Variants in TRIM8 observed in about 807,000 individuals in gnomAD.
TRIM8 encodes the protein tripartite motif containing 8.
In TRIM8, 9 loss-of-function variants were observed where a neutral mutation model predicts 55.7. The observed-to-expected ratio is 0.16, with a 90% CI of 0.10 to 0.28. The LOEUF is 0.28. Among genes scored for constraint, TRIM8 ranks in the 10% least tolerant of loss-of-function variants. The pLI is 1.00. For synonymous variants in TRIM8, 335 were observed against 333.3 expected, an observed-to-expected ratio of 1.01 and a Z score of -0.06; for missense variants, 556 against 736.4, an observed-to-expected ratio of 0.76 and a Z score of 2.83.
intron 1 of TRIM8, among the ~76,000 whole-genome samples, chr10:102,652,362 T>G (rs1287277413): frequency 6.6e-6 from 1 of 152,026 alleles, no homozygotes; most frequent in Non-Finnish European, 1.5e-5. Flanking sequence ...TGGGAGTGGC[T>G]GGGATGGGAG....
intron 1 of TRIM8, among the ~76,000 whole-genome samples, chr10:102,649,490 G>C (rs2063963486): frequency 6.6e-6 from 1 of 152,230 alleles, no homozygotes; most frequent in African/African-American, 2.4e-5. Flanking sequence ...GCCCCGGGCC[G>C]AGCAGGCTGG....
chr10:102,652,926 C>T (rs2063996454), intron 1 of TRIM8, among the ~76,000 whole-genome samples: 6 of 152,000 alleles, frequency 3.9e-5, no homozygotes, highest in Admixed American at 3.9e-4. Context: ...GCCTCAGCCT[C>T]CTGAGTAGTT....
chr10:102,650,330 C>G (rs948842846), intron 1 of TRIM8, among the ~76,000 whole-genome samples: 3 of 152,114 alleles, frequency 2.0e-5, no homozygotes, highest in African/African-American at 7.2e-5. Flanking sequence ...TGCTCCAGGC[C>G]GGGAGGGGAG....
In TRIM8 at chr10:102,656,290, G is replaced by T; in HGVS notation, c.953G>T (p.Ser318Ile). 1.2e-6 allele frequency: 2 copies of T among 1,614,212 alleles called. No homozygotes were observed. Among genetic ancestry groups the T allele is most frequent in the Non-Finnish European group, 8.5e-7 (1 of 1,180,044 alleles). The change falls in exon 5 of 6, where the codon AGC becomes ATC. Residue 318 changes from serine to isoleucine, a missense_variant. By Grantham distance (142) the Ser-to-Ile change is moderately radical (BLOSUM62 -2). Transcript: ENST00000643721. The surrounding 1 kb of genome is among the most constrained non-coding windows in gnomAD (Gnocchi z 4.6). ...LMDRTQTCTS[S>I]SLSPTKIGHL... ...CCCAGGACCCAGACCTGCACGAGCA[G>T]CAGCCTTTCCCCCACTAAGATCGGC...
At chr10:102,646,746 G>A (rs1010958689) in intron 1 of TRIM8, among the ~76,000 whole-genome samples, 2 of 152,174 alleles carry the variant, frequency 1.3e-5, no homozygotes, top group African/African-American at 4.8e-5. Flanking sequence ...AAGATGGAAG[G>A]GCTGGGGGAG....
intron 1 of TRIM8, among the ~76,000 whole-genome samples, chr10:102,646,013 T>G (rs957158328): frequency 2.0e-5 from 3 of 152,138 alleles, no homozygotes; most frequent in African/African-American, 7.2e-5. Flanking sequence ...GAAATCTGGT[T>G]TCAGGCAGCT....
At position 102,650,552 on chromosome 10, in the gene TRIM8, T is replaced by C. The variant is rs556077122; in HGVS notation, c.571-4101T>C. Reference sequence around the variant, plus strand: ...GGTGGCCTGGGGCCTCCAGAGCTTCTAGCCCAGGCCACGTTCCACTCTGCT... The same window carrying C: ...GGTGGCCTGGGGCCTCCAGAGCTTCCAGCCCAGGCCACGTTCCACTCTGCT... On this transcript the variant is annotated intron_variant, in intron 1 of 5. Transcript: ENST00000643721. 9.9e-5 allele frequency among the ~76,000 whole-genome samples: 15 copies of C among 152,284 alleles called. No homozygotes were observed. The South Asian group carries it at 3.1e-3, about 32-fold the overall frequency.
chr10:102,644,875 G>T lies in TRIM8; in HGVS notation c.258G>T (p.Pro86=). The change falls in exon 1 of 6, where the codon CCG becomes CCT. Residue 86 remains proline, a synonymous_variant. Transcript: ENST00000643721. ...EKFNALHVEK[P]PAALHCVFCR... ...TCAATGCCCTGCACGTGGAGAAGCC[G>T]CCGGCGGCGCTGCACTGCGTGTTCT... 4 of 1,611,556 alleles carry T rather than the reference G, an allele frequency of 2.5e-6. No individual in the cohort carries two copies. The highest frequency in any genetic ancestry group is 2.5e-6 in the Non-Finnish European group (3 of 1,179,352).
intron 1 of TRIM8, among the ~76,000 whole-genome samples, chr10:102,651,695 GC>G (rs1219704502): frequency 6.6e-6 from 1 of 152,358 alleles, no homozygotes; most frequent in East Asian, 1.9e-4. Context: ...CACCTGGGGG[GC>G]CCTGTCCTCC....
At position 102,657,195 on chromosome 10, in the gene TRIM8, G is replaced by A. The variant is rs777852686; in HGVS notation, c.1497G>A (p.Ser499=). Residue 499 remains serine (S), a synonymous_variant, in exon 6 of 6, where the codon TCG becomes TCA. Transcript: ENST00000643721. ...RSGHFPWTVP[S]QEYSHPLPPT... is the part of the protein sequence containing the mutation. Reference sequence around the variant, plus strand: ...GCCACTTTCCCTGGACAGTGCCCTCGCAGGAGTACTCACACCCGCTCCCGC... The same window carrying A: ...GCCACTTTCCCTGGACAGTGCCCTCACAGGAGTACTCACACCCGCTCCCGC... 1.8e-5 allele frequency: 29 copies of A among 1,613,714 alleles called. No individual in the cohort carries two copies. Among genetic ancestry groups the A allele is most frequent in the Non-Finnish European group, 2.4e-5 (28 of 1,179,930 alleles).
chr10:102,656,685 G>C lies in TRIM8; in HGVS notation c.1049-62G>C, dbSNP rs2064027859. 2.7e-6 allele frequency: 4 copies of C among 1,505,300 alleles called. No individual in the cohort carries two copies. In the South Asian group the frequency reaches 4.1e-5, roughly 15 times the overall value. 93.2% of individuals were successfully genotyped at this position (1,505,300 alleles called of 1,614,324 possible). On this transcript the variant is annotated intron_variant, in intron 5 of 5. Transcript: ENST00000643721. This position sits in a 1 kb window ranked among gnomAD's most constrained non-coding sequence, Gnocchi z 4.6. ...CAATGGTCCCCAGGTCCAACCCAGG[G>C]AGAGGAGGCCTGGGTTGCTTGGGGT...
intron 1 of TRIM8, among the ~76,000 whole-genome samples, chr10:102,650,221 G>T (rs1187145738): frequency 1.3e-5 from 2 of 152,204 alleles, no homozygotes; most frequent in Non-Finnish European, 1.5e-5. Flanking sequence ...CGTCTGCCCA[G>T]TCTAGTCTGG....
At position 102,656,111 on chromosome 10, in the gene TRIM8, C is replaced by G; in HGVS notation, c.906C>G (p.Thr302=). The G allele has an allele frequency of 6.2e-7, 1 of 1,614,158 alleles. No individual in the cohort carries two copies. Residue 302 remains threonine (T), a synonymous_variant, in exon 4 of 6, where the codon ACC becomes ACG. Transcript: ENST00000643721. This position sits in a 1 kb window ranked among gnomAD's most constrained non-coding sequence, Gnocchi z 4.6. ...KTEDVSFMKN[T]KSVKILMDRT... ...CTCTTTTCTCTCCCCAACAGAACAC[C>G]AAGTCTGTGAAAATCCTGATGGACA...
rs1342959414 is a variant in TRIM8 at position 102,656,992 on chromosome 10, G to A, written c.1294G>A (p.Ala432Thr). The change falls in exon 6 of 6, where the codon GCC becomes ACC. Residue 432 changes from alanine to threonine, a missense_variant. Transcript: ENST00000643721. This position sits in a 1 kb window ranked among gnomAD's most constrained non-coding sequence, Gnocchi z 4.6. ...TQHLVALPGG[A>T]QPVHSSPVFP... Reference sequence around the variant, plus strand: ...GCACTTGGTGGCCCTGCCGGGCGGCGCCCAACCAGTGCACTCAAGCCCCGT... The same window carrying A: ...GCACTTGGTGGCCCTGCCGGGCGGCACCCAACCAGTGCACTCAAGCCCCGT... The A allele has an allele frequency of 3.1e-6, 5 of 1,612,196 alleles. No homozygotes were observed. The highest frequency in any genetic ancestry group is 4.5e-5 in the East Asian group (2 of 44,882).
At chr10:102,649,480 G>A (rs1365879796) in intron 1 of TRIM8, among the ~76,000 whole-genome samples, 3 of 152,212 alleles carry the variant, frequency 2.0e-5, no homozygotes, top group Non-Finnish European at 4.4e-5. Context: ...TTGGGCCCCT[G>A]CCCCGGGCCG....
chr10:102,646,392 C>T (rs1002683933), intron 1 of TRIM8, among the ~76,000 whole-genome samples: 3 of 152,070 alleles, frequency 2.0e-5, no homozygotes, highest in African/African-American at 7.3e-5. Flanking sequence ...GAGGCCAGTG[C>T]GGAGGCTGGC....
intron 1 of TRIM8, among the ~76,000 whole-genome samples, chr10:102,650,903 G>T (rs933198280): frequency 6.6e-6 from 1 of 152,154 alleles, no homozygotes; most frequent in South Asian, 2.1e-4. Flanking sequence ...TGCTCATTCG[G>T]TGAACTGGGG....
rs1223009351 is a variant in TRIM8 at position 102,657,719 on chromosome 10, T to TG, written c.*370dup. On this transcript the variant is annotated 3_prime_UTR_variant, in exon 6 of 6. Coordinates refer to ENST00000643721, the MANE Select transcript of TRIM8 (RefSeq NM_030912.3). Reference sequence around the variant, plus strand: ...AGGAACCTCGGCTTCCCTGAAAGCTTGGGGGTCCCACCCTTCTTACCCCAC... The same window carrying TG: ...AGGAACCTCGGCTTCCCTGAAAGCTTGGGGGGTCCCACCCTTCTTACCCCAC... 1.0e-5 allele frequency: 2 copies of TG among 192,260 alleles called. No homozygotes were observed. Among genetic ancestry groups the TG allele is most frequent in the Non-Finnish European group, 2.1e-5 (2 of 94,090 alleles). 11.9% of individuals were successfully genotyped at this position (192,260 alleles called of 1,614,324 possible).
chr10:102,656,658 G>C lies in TRIM8; in HGVS notation c.1049-89G>C. 6.7e-7 allele frequency: 1 copy of C among 1,503,446 alleles called. No individual in the cohort carries two copies. Among genetic ancestry groups the C allele is most frequent in the Non-Finnish European group, 8.9e-7 (1 of 1,126,862 alleles). The allele number at this position is 1,503,446 out of a possible 1,614,324, so 93.1% of individuals were successfully genotyped here. A position where few individuals can be genotyped will look rare whatever the true frequency, so the allele number is the denominator to read the frequency against. On this transcript the variant is annotated intron_variant, in intron 5 of 5. Transcript: ENST00000643721. The surrounding 1 kb of genome is among the most constrained non-coding windows in gnomAD (Gnocchi z 4.6). Reference sequence around the variant, plus strand: ...ATGTAACATTCTTGGGCCTCTAGGTGTCAATGGTCCCCAGGTCCAACCCAG... The same window carrying C: ...ATGTAACATTCTTGGGCCTCTAGGTCTCAATGGTCCCCAGGTCCAACCCAG...
Sources: gnomAD v4.1 joint callset for allele counts (sites outside exome capture counted in the v4.1 genomes callset) on GRCh38, gnomAD v4.1.1 for gene constraint, Gnocchi (gnomAD v3.1) non-coding constraint, MANE v1.5 for transcripts, NCBI Gene and HGNC (gene_info 2026-07-23, HGNC 2026-07-21) for gene names.